Variants in LIMA1 observed in about 807,000 individuals in gnomAD.
The protein encoded by LIMA1 is LIM domain and actin binding 1.
In LIMA1, 52 loss-of-function variants were observed where a neutral mutation model predicts 62.6. The observed-to-expected ratio is 0.83, with a 90% CI of 0.67 to 1.05. The LOEUF (loss-of-function observed/expected upper bound fraction) is 1.05. Ranked by LOEUF, LIMA1 falls within the 50% of genes least tolerant of loss-of-function variation. The probability of loss-of-function intolerance (pLI) is 0.00; values close to 1 mark genes in which losing one functional copy is unlikely to be tolerated. For missense variants in LIMA1, 780 were observed against 902.2 expected (o/e 0.86, Z 1.74); for synonymous variants, 302 against 317.8 (o/e 0.95, Z 0.53).
chr12:50,212,488 T>C (rs1481723036), intron 4 of LIMA1, among the ~76,000 whole-genome samples: 1 of 152,220 alleles, frequency 6.6e-6, no homozygotes, highest in African/African-American at 2.4e-5. Context: ...AGAGAGTTAA[T>C]GTAAGTAAAA....
At chr12:50,179,399 C>A (rs1044144458) in intron 10 of LIMA1, among the ~76,000 whole-genome samples, 1 of 149,592 alleles carries the variant, frequency 6.7e-6, no homozygotes, top group Non-Finnish European at 1.5e-5. Flanking sequence ...CTCGGCCTCC[C>A]AAAGGGCTGG....
chr12:50,245,427 A>AAG (rs1179144501), intron 2 of LIMA1, among the ~76,000 whole-genome samples: 7 of 151,178 alleles, frequency 4.6e-5, no homozygotes, highest in South Asian at 2.1e-4. Context: ...AAAAAAAAAA[A>AAG]AGAGAGAGAG....
intron 2 of LIMA1, 30 bp downstream of exon 2, chr12:50,248,603 T>C (rs1194326609): frequency 1.5e-6 from 2 of 1,347,562 alleles, no homozygotes; most frequent in Non-Finnish European, 2.1e-6. Context: ...TCCAGACAGA[T>C]GGTCCTTTTG....
At chr12:50,236,267 T>A (rs957977097) in intron 2 of LIMA1, among the ~76,000 whole-genome samples, 1 of 151,730 alleles carries the variant, frequency 6.6e-6, no homozygotes, top group Admixed American at 6.6e-5. Flanking sequence ...GCTAACAACA[T>A]TTTACCTATT....
intron 9 of LIMA1, among the ~76,000 whole-genome samples, chr12:50,192,009 C>A (rs1193878732): frequency 1.3e-5 from 2 of 151,362 alleles, no homozygotes; most frequent in Non-Finnish European, 2.9e-5. Flanking sequence ...GTGGCGCATG[C>A]CTGTAATCCC....
intron 3 of LIMA1, among the ~76,000 whole-genome samples, chr12:50,226,675 CTACAAA>C (rs1223887326): frequency 1.3e-5 from 2 of 152,076 alleles, no homozygotes; most frequent in Non-Finnish European, 2.9e-5. Flanking sequence ...CCTGTCTCTA[CTACAAA>C]TACAAAAATT....
chr12:50,254,285 T>G (rs188715768), intron 1 of LIMA1, among the ~76,000 whole-genome samples: 51 of 152,222 alleles, frequency 3.4e-4, no homozygotes, highest in Non-Finnish European at 6.9e-4. Context: ...GCATGACAAA[T>G]AAATGGTATA....
chr12:50,182,008 G>A lies in LIMA1; in HGVS notation c.1170C>T (p.Cys390=), dbSNP rs760289112. ...KKFQAPARET[C]VECQKTVYPM... is the part of the protein sequence containing the mutation. ...GATAGACTGTCTTCTGACATTCCAC[G>A]CAGGTCTCTCTTGCAGGTGCCTGAA... Residue 390 remains cysteine, a synonymous_variant, in exon 10 of 11, where the codon TGC becomes TGT. Coordinates refer to ENST00000341247, the MANE Select transcript of LIMA1 (RefSeq NM_016357.5). The A allele has an allele frequency of 1.4e-5, 23 of 1,612,880 alleles. No homozygotes were observed. The Admixed American group carries it at 3.2e-4, about 22-fold the overall frequency.
intron 1 of LIMA1, among the ~76,000 whole-genome samples, chr12:50,249,005 GA>G (rs1295476637): frequency 2.0e-5 from 3 of 152,200 alleles, no homozygotes; most frequent in Non-Finnish European, 4.4e-5. Context: ...TTTTATGACT[GA>G]CCCCACTGTG....
intron 10 of LIMA1, among the ~76,000 whole-genome samples, chr12:50,178,600 A>G (rs1940410578): frequency 6.6e-6 from 1 of 152,030 alleles, no homozygotes; most frequent in Non-Finnish European, 1.5e-5. Context: ...CTTGAGAGGA[A>G]TGTGGCTATG....
In LIMA1 at chr12:50,222,327, C is replaced by T; in HGVS notation, c.324G>A (p.Val108=). 6.2e-7 allele frequency: 1 copy of T among 1,614,146 alleles called. No individual in the cohort carries two copies. The highest frequency in any genetic ancestry group is 8.5e-7 in the Non-Finnish European group (1 of 1,180,028). Residue 108 remains valine (V), a synonymous_variant, in exon 4 of 11, where the codon GTG becomes GTA. Coordinates refer to ENST00000341247, the MANE Select transcript of LIMA1 (RefSeq NM_016357.5). The part of the protein sequence containing the change: ...RHRADHPPAE[V]TSHAASGAKA... ...TGGCTCCAGAAGCAGCGTGGCTTGT[C>T]ACTTCAGCAGGAGGATGGTCTGCTC...
chr12:50,224,839 C>T (rs1005671186), intron 3 of LIMA1, among the ~76,000 whole-genome samples: 1 of 151,800 alleles, frequency 6.6e-6, no homozygotes, highest in Non-Finnish European at 1.5e-5. Flanking sequence ...TCAAGTGATC[C>T]TCCCACCTCA....
At chr12:50,191,108 CA>C (rs745749669) in intron 9 of LIMA1, among the ~76,000 whole-genome samples, 3,361 of 46,752 alleles carry the variant, frequency 0.072, 46 homozygotes, top group African/African-American at 0.16. Flanking sequence ...GAACCTGTCT[CA>C]AAAAAAAAAA....
chr12:50,248,601 G>T, intron 2 of LIMA1, 32 bp downstream of exon 2: 1 of 1,318,554 alleles, frequency 7.6e-7, no homozygotes, highest in Non-Finnish European at 1.1e-6. Context: ...GCTCCAGACA[G>T]ATGGTCCTTT....
rs542465071 is a variant in LIMA1 at position 50,246,466 on chromosome 12, C to A, written c.119+2167G>T. 1.3e-3 allele frequency among the ~76,000 whole-genome samples: 192 copies of A among 152,132 alleles called. 2 individuals carry two copies. Among genetic ancestry groups the A allele is most frequent in the Non-Finnish European group, 1.5e-3 (100 of 67,986 alleles). On this transcript the variant is annotated intron_variant, in intron 2 of 10. Coordinates refer to ENST00000341247, the MANE Select transcript of LIMA1 (RefSeq NM_016357.5). ...CTCTCTATTCCTGTTCCCCCTTGAC[C>A]CCCAACAGCTTTCACTTGGGTTCCC... is the stretch of plus-strand genomic sequence containing the variant.
chr12:50,229,292 C>T (rs1018474980), intron 3 of LIMA1, among the ~76,000 whole-genome samples: 3 of 152,096 alleles, frequency 2.0e-5, no homozygotes, highest in Admixed American at 6.5e-5. Flanking sequence ...GCAATCCTCC[C>T]ACCTCGGCCT....
intron 1 of LIMA1, among the ~76,000 whole-genome samples, chr12:50,272,484 C>T (rs536569034): frequency 1.3e-5 from 2 of 150,524 alleles, no homozygotes; most frequent in East Asian, 2.0e-4. Context: ...TCCAGCTACT[C>T]GGGAGGCTGA....
At chr12:50,257,916 T>C (rs1041500243) in intron 1 of LIMA1, among the ~76,000 whole-genome samples, 3 of 152,210 alleles carry the variant, frequency 2.0e-5, no homozygotes, top group Admixed American at 6.5e-5. Context: ...TATATTAGGA[T>C]GGTTTCATAG....
rs189745237 is a variant in LIMA1 at position 50,207,168 on chromosome 12, G to A, written c.631-1100C>T. Reference sequence around the variant, plus strand: ...TCGAACTCCTGACCTCAGGTGATCCGCCCACCTCGGCCTCCCAAAGTGCTG... The same window carrying A: ...TCGAACTCCTGACCTCAGGTGATCCACCCACCTCGGCCTCCCAAAGTGCTG... On this transcript the variant is annotated intron_variant, in intron 4 of 10. Transcript: ENST00000341247. Among the ~76,000 whole-genome samples the A allele has an allele frequency of 3.7e-4, 56 of 152,108 alleles. 1 individual carries two copies. The highest frequency in any genetic ancestry group is 1.3e-3 in the African/African-American group (52 of 41,488).
Sources: gnomAD v4.1 joint callset for allele counts (sites outside exome capture counted in the v4.1 genomes callset) on GRCh38, gnomAD v4.1.1 for gene constraint, MANE v1.5 for transcripts, NCBI Gene and HGNC (gene_info 2026-07-23, HGNC 2026-07-21) for gene names.